The following NR2C1 variants were observed in gnomAD, a reference collection of about 807,000 sequenced individuals.
NR2C1 encodes nuclear receptor subfamily 2 group C member 1.
Under a neutral mutation model 74.8 loss-of-function variants are expected in NR2C1, and 33 were observed. That is an observed-to-expected ratio of 0.44 (90% confidence interval 0.33 to 0.59). The LOEUF (loss-of-function observed/expected upper bound fraction) is 0.59. Ranked by LOEUF, NR2C1 falls within the 20% of genes least tolerant of loss-of-function variation. The probability of loss-of-function intolerance (pLI) is 0.02; values close to 1 mark genes in which losing one functional copy is unlikely to be tolerated. For missense variants in NR2C1, 568 were observed against 715.6 expected (o/e 0.79, Z 2.35); for synonymous variants, 225 against 240.6 (o/e 0.94, Z 0.60).
chr12:95,032,517 G>A (rs968233891), intron 10 of NR2C1, among the ~76,000 whole-genome samples: 2 of 151,316 alleles, frequency 1.3e-5, no homozygotes, highest in African/African-American at 2.4e-5. Context: ...AACATTAGCC[G>A]AGCATAGTGG....
Position 95,057,768 on chromosome 12 carries a change from C to T in NR2C1, c.655G>A (p.Ala219Thr). Reference sequence around the variant, plus strand: ...CTATCTGTTACAAAAGTTGGAGTTGCAGTTAATGGGCTACGAAGGTCCTTT... The same window carrying T: ...CTATCTGTTACAAAAGTTGGAGTTGTAGTTAATGGGCTACGAAGGTCCTTT... ...IRKDLRSPLT[A>T]TPTFVTDSES... is the part of the protein sequence containing the mutation. Residue 219 changes from alanine to threonine, a missense_variant, in exon 6 of 14, where the codon GCA becomes ACA. Physicochemically the swap from Ala to Thr is moderately conservative, Grantham distance 58. Coordinates refer to ENST00000333003, the MANE Select transcript of NR2C1 (RefSeq NM_003297.4). 1 of 1,614,104 alleles carries T rather than the reference C, an allele frequency of 6.2e-7. No homozygotes were observed. Among genetic ancestry groups the T allele is most frequent in the Non-Finnish European group, 8.5e-7 (1 of 1,179,984 alleles).
At chr12:95,058,066 C>T (rs1030090040) in intron 5 of NR2C1, 188 bp from the exon 6 acceptor site, 38 of 662,940 alleles carry the variant, frequency 5.7e-5, no homozygotes, top group Admixed American at 1.6e-4. Context: ...TAAAACAAAC[C>T]AATTTGCATC....
At chr12:95,033,693 T>C (rs975996571) in intron 10 of NR2C1, among the ~76,000 whole-genome samples, 15 of 152,190 alleles carry the variant, frequency 9.9e-5, no homozygotes, top group African/African-American at 3.1e-4. Context: ...TCTCAACATA[T>C]TCATTCCCCC....
In NR2C1 at chr12:95,049,180, T is replaced by C; in HGVS notation, c.1019A>G (p.Gln340Arg). Residue 340 changes from glutamine to arginine, a missense_variant, in exon 9 of 14, where the codon CAG (glutamine) becomes CGG (arginine). This residue lies in a region of NR2C1 where 239 missense variants were observed against 232.3 expected (regional missense o/e 1.03). Coordinates refer to ENST00000333003, the MANE Select transcript of NR2C1 (RefSeq NM_003297.4). ...TCCTTCCATGCCCGCTACTGAGCTC[T>C]GGCAGGCTGTGCTCTCTCCAGGATT... ...ALNPGESTAC[Q>R]SSVAGMEGSV... 6.2e-7 allele frequency: 1 copy of C among 1,614,142 alleles called. No individual in the cohort carries two copies. Among genetic ancestry groups the C allele is most frequent in the Non-Finnish European group, 8.5e-7 (1 of 1,179,970 alleles).
Position 95,049,113 on chromosome 12 carries a change from G to T in NR2C1, c.1086C>A (p.Thr362=), listed in dbSNP as rs377030196. 1 of 1,613,566 alleles carries T rather than the reference G, an allele frequency of 6.2e-7. No homozygotes were observed. Among genetic ancestry groups the T allele is most frequent in the African/African-American group, 1.3e-5 (1 of 74,824 alleles). ...LITGDSSINY[T]EKEGPLLSDS... ...CGCTGAGAAGTGGCCCCTCTTTTTCGGTGTAATTTATGCTTGAATCTCCAG... is the reference window on the plus strand; with the variant it reads ...CGCTGAGAAGTGGCCCCTCTTTTTCTGTGTAATTTATGCTTGAATCTCCAG... The change falls in exon 9 of 14, where the codon ACC becomes ACA. Residue 362 remains threonine, a synonymous_variant. Coordinates refer to ENST00000333003, the MANE Select transcript of NR2C1 (RefSeq NM_003297.4).
intron 1 of NR2C1, among the ~76,000 whole-genome samples, 171 bp downstream of exon 1, chr12:95,073,209 G>C (rs1443625289): frequency 6.6e-6 from 1 of 152,214 alleles, no homozygotes; most frequent in African/African-American, 2.4e-5. Flanking sequence ...CGCGCTCCCA[G>C]CCGAAGTCGA....
chr12:95,048,463 A>G (rs1872579176), intron 9 of NR2C1, among the ~76,000 whole-genome samples: 2 of 152,340 alleles, frequency 1.3e-5, no homozygotes, highest in South Asian at 2.1e-4. Context: ...AATAACTGCT[A>G]TTATAACTGA....
chr12:95,038,681 CTG>C (rs1871151391), intron 10 of NR2C1, among the ~76,000 whole-genome samples: 1 of 152,196 alleles, frequency 6.6e-6, no homozygotes, highest in Non-Finnish European at 1.5e-5. Flanking sequence ...TTGCTTGAAA[CTG>C]AGAGGTGGAG....
chr12:95,030,806 G>C (rs747976903), intron 11 of NR2C1: 1 of 1,613,520 alleles, frequency 6.2e-7, no homozygotes. Flanking sequence ...CCATTCTATA[G>C]TTAAGCATTT....
intron 7 of NR2C1, among the ~76,000 whole-genome samples, chr12:95,056,254 G>C (rs539168103): frequency 6.6e-6 from 1 of 152,218 alleles, no homozygotes; most frequent in South Asian, 2.1e-4. Context: ...TGGGTGACAA[G>C]AGGGGACCCT....
At chr12:95,036,373 G>T (rs117805783) in intron 10 of NR2C1, among the ~76,000 whole-genome samples, 1 of 151,388 alleles carries the variant, frequency 6.6e-6, no homozygotes, top group Non-Finnish European at 1.5e-5. Flanking sequence ...AGGAGTTCAA[G>T]ATCAGCCTGG....
intron 9 of NR2C1, among the ~76,000 whole-genome samples, chr12:95,044,708 G>A (rs189103571): frequency 1.1e-4 from 16 of 152,084 alleles, no homozygotes; most frequent in African/African-American, 1.9e-4. Context: ...ATGAAACCTC[G>A]TCTGTATTTA....
Position 95,058,370 on chromosome 12 carries a change from G to A in NR2C1, c.484C>T (p.Arg162Ter), listed in dbSNP as rs1347325344. 7 of 1,613,506 alleles carry A rather than the reference G, an allele frequency of 4.3e-6. No homozygotes were observed. The highest frequency in any genetic ancestry group is 5.9e-6 in the Non-Finnish European group (7 of 1,179,932). ...SKDCIINKHH[R>*]NRCQYCRLQR... is the part of the protein sequence containing the mutation. Reference sequence around the variant, plus strand: ...AACCTGCAGTATTGACAGCGGTTTCGGTGGTGCTTATTAATAATACAATCC... The same window carrying A: ...AACCTGCAGTATTGACAGCGGTTTCAGTGGTGCTTATTAATAATACAATCC... Residue 162 changes from arginine (R) to a stop codon, truncating the protein, a stop_gained, in exon 5 of 14, where the codon CGA becomes TGA. Coordinates refer to ENST00000333003, the MANE Select transcript of NR2C1 (RefSeq NM_003297.4). LOFTEE classifies it high-confidence loss of function.
At chr12:95,063,083 T>C (rs1335924765) in intron 2 of NR2C1, among the ~76,000 whole-genome samples, 1 of 152,238 alleles carries the variant, frequency 6.6e-6, no homozygotes, top group Admixed American at 6.5e-5. Flanking sequence ...GAAGCTTTTA[T>C]TTTAGTGGGG....
intron 10 of NR2C1, among the ~76,000 whole-genome samples, chr12:95,037,331 CAG>C (rs1044429169): frequency 2.5e-4 from 38 of 152,172 alleles, no homozygotes; most frequent in Non-Finnish European, 7.4e-5. Flanking sequence ...AATCTTAAAA[CAG>C]AAAATCAATA....
At position 95,021,087 on chromosome 12, in the gene NR2C1, C is replaced by G. The variant is rs1868733995; in HGVS notation, c.*1142G>C. On this transcript the variant is annotated 3_prime_UTR_variant, in exon 14 of 14. Transcript: ENST00000333003. ...CCATACATGACAGGTTTGGGAAGCT[C>G]TAACTCAGGTCAGAAAAGTGGGAGA... 6.6e-6 allele frequency: 1 copy of G among 152,066 alleles called. No individual in the cohort carries two copies. Among genetic ancestry groups the G allele is most frequent in the Non-Finnish European group, 1.5e-5 (1 of 68,024 alleles). The allele number at this position is 152,066 out of a possible 1,614,324, so 9.4% of individuals were successfully genotyped here. A position where few individuals can be genotyped will look rare whatever the true frequency, so the allele number is the denominator to read the frequency against.
chr12:95,045,346 T>C (rs144424267), intron 9 of NR2C1, among the ~76,000 whole-genome samples: 1 of 152,176 alleles, frequency 6.6e-6, no homozygotes, highest in Non-Finnish European at 1.5e-5. Context: ...TCATAACATA[T>C]GGGCAATGGG....
intron 4 of NR2C1, among the ~76,000 whole-genome samples, chr12:95,059,648 C>A (rs891912978): frequency 6.6e-6 from 1 of 152,106 alleles, no homozygotes; most frequent in African/African-American, 2.4e-5. Context: ...GAGGTAGAGG[C>A]TGCAGTGAGC....
intron 1 of NR2C1, among the ~76,000 whole-genome samples, chr12:95,071,962 G>A (rs1386097366): frequency 6.6e-6 from 1 of 151,062 alleles, no homozygotes; most frequent in African/African-American, 2.4e-5. Context: ...TGGTCAGGCT[G>A]GTCTCGAACT....
Sources: allele counts gnomAD v4.1 joint callset (sites outside exome capture counted in the v4.1 genomes callset), GRCh38; gene constraint gnomAD v4.1.1; regional missense constraint gnomAD v4.1.1; transcripts MANE v1.5; gene names NCBI Gene and HGNC (gene_info 2026-07-23, HGNC 2026-07-21).